USP14: variants seen among roughly 807,000 people sequenced by gnomAD.
USP14 encodes the protein ubiquitin specific peptidase 14, also known as ubiquitin carboxyl-terminal hydrolase 14.
A neutral mutation model predicts 76.5 loss-of-function variants in USP14; 38 were observed. The observed-to-expected ratio is 0.50, with a 90% CI of 0.38 to 0.65. USP14 has a LOEUF of 0.65. USP14 is among the 30% of genes least tolerant of loss of function. The pLI is 0.00. For missense variants in USP14, 467 were observed against 586.5 expected, an observed-to-expected ratio of 0.80 and a Z score of 2.10; for synonymous variants, 192 against 191.7, an observed-to-expected ratio of 1.00 and a Z score of -0.01.
intron 13 of USP14, among the ~76,000 whole-genome samples, chr18:207,874 C>T (rs963633597): frequency 1.3e-5 from 2 of 151,880 alleles, no homozygotes; most frequent in African/African-American, 2.4e-5. Flanking sequence ...ATTTCATTGT[C>T]TAGAGTGGCT....
intron 2 of USP14, among the ~76,000 whole-genome samples, chr18:163,817 G>GTT (rs68144137): frequency 4.3e-4 from 62 of 144,138 alleles, no homozygotes; most frequent in African/African-American, 5.8e-4. Flanking sequence ...CCGATAGGTA[G>GTT]TTTTTTTTTT....
At chr18:181,659 T>C (rs1291963175) in intron 5 of USP14, among the ~76,000 whole-genome samples, 2 of 152,194 alleles carry the variant, frequency 1.3e-5, no homozygotes, top group Admixed American at 1.3e-4. Flanking sequence ...TTTTCCTAAG[T>C]CTGTTGTATG....
At chr18:168,570 G>A (rs545410251) in intron 3 of USP14, among the ~76,000 whole-genome samples, 1 of 151,872 alleles carries the variant, frequency 6.6e-6, no homozygotes, top group East Asian at 2.0e-4. Flanking sequence ...GAGTAGTTGG[G>A]ATTACAAACG....
intron 5 of USP14, among the ~76,000 whole-genome samples, chr18:192,639 A>G (rs1054994848): frequency 2.6e-5 from 4 of 152,206 alleles, no homozygotes; most frequent in African/African-American, 9.6e-5. Context: ...AGTAGGCTCC[A>G]TCTAAATTCC....
chr18:200,462 G>C (rs921893836), intron 10 of USP14, among the ~76,000 whole-genome samples: 1 of 152,208 alleles, frequency 6.6e-6, no homozygotes, highest in Non-Finnish European at 1.5e-5. Flanking sequence ...CTGTCTTGCA[G>C]TTGAGGCCCT....
chr18:193,079 G>A (rs1162902686), intron 6 of USP14, among the ~76,000 whole-genome samples, 179 bp downstream of exon 6: 4 of 152,120 alleles, frequency 2.6e-5, no homozygotes, highest in Non-Finnish European at 5.9e-5. Flanking sequence ...ATAAATCAAT[G>A]ATGTCTGTCG....
At chr18:171,432 C>G (rs1246638502) in intron 3 of USP14, among the ~76,000 whole-genome samples, 2 of 152,124 alleles carry the variant, frequency 1.3e-5, no homozygotes, top group Non-Finnish European at 2.9e-5. Context: ...TCTACTCTGC[C>G]TGTGCTCTGT....
At chr18:180,422 A>C (rs1371484284) in intron 5 of USP14, 83 bp downstream of exon 5, 2 of 776,288 alleles carry the variant, frequency 2.6e-6, no homozygotes, top group Non-Finnish European at 4.3e-6. Context: ...TTAGCATCTT[A>C]ATTGAGATAT....
chr18:186,775 A>G (rs1909943010), intron 5 of USP14, among the ~76,000 whole-genome samples: 1 of 152,092 alleles, frequency 6.6e-6, no homozygotes, highest in African/African-American at 2.4e-5. Flanking sequence ...AAAGGGATGA[A>G]GATTTGCGTT....
chr18:205,794 T>C (rs745726337), intron 13 of USP14, among the ~76,000 whole-genome samples: 11 of 152,122 alleles, frequency 7.2e-5, no homozygotes, highest in Non-Finnish European at 1.5e-4. Context: ...AAAAAAATTA[T>C]ACAAACGAAA....
chr18:206,801 T>TGAGGCAGGAGAATCGCTTGAACTGGG (rs1910540923), intron 13 of USP14, among the ~76,000 whole-genome samples: 1 of 152,204 alleles, frequency 6.6e-6, no homozygotes, highest in Admixed American at 6.5e-5. Flanking sequence ...CTTGGGAGGC[T>TGAGGCAGGAGAATCGCTTGAACTGGG]GAGGCAGGAG....
At chr18:190,241 A>G (rs1910049981) in intron 5 of USP14, among the ~76,000 whole-genome samples, 1 of 152,104 alleles carries the variant, frequency 6.6e-6, no homozygotes, top group African/African-American at 2.4e-5. Context: ...GAAAAAATAT[A>G]CTCTGAATAT....
intron 8 of USP14, among the ~76,000 whole-genome samples, 163 bp downstream of exon 8, chr18:197,859 C>T (rs1029575268): frequency 2.6e-5 from 4 of 151,358 alleles, no homozygotes; most frequent in Admixed American, 6.6e-5. Context: ...AGCTTGCATA[C>T]GACATTTAAA....
chr18:211,496 G>T lies in USP14; in HGVS notation c.*212G>T. Reference sequence around the variant, plus strand: ...TTGGATTGTGCTGCCCTATATAAAGGTGGCAGAAAGACATTTTTAAAAAGC... The same window carrying T: ...TTGGATTGTGCTGCCCTATATAAAGTTGGCAGAAAGACATTTTTAAAAAGC... On this transcript the variant is annotated 3_prime_UTR_variant, in exon 16 of 16. Transcript: ENST00000261601. 1 of 393,068 alleles carries T rather than the reference G, an allele frequency of 2.5e-6. No homozygotes were observed. Among genetic ancestry groups the T allele is most frequent in the Non-Finnish European group, 4.4e-6 (1 of 225,500 alleles). 24.3% of individuals were successfully genotyped at this position (393,068 alleles called of 1,614,324 possible).
chr18:200,934 TG>T (rs1910368522), intron 10 of USP14, among the ~76,000 whole-genome samples: 1 of 152,122 alleles, frequency 6.6e-6, no homozygotes, highest in African/African-American at 2.4e-5. Flanking sequence ...CCTGAGTAGC[TG>T]GGACTACAGG....
In USP14 at chr18:203,007, A is replaced by G. The variant is rs1478254649; in HGVS notation, c.942+62A>G. On this transcript the variant is annotated intron_variant, in intron 11 of 15. Coordinates refer to ENST00000261601, the MANE Select transcript of USP14 (RefSeq NM_005151.4). ...TCACTGAAATATTTCCAGTTAATTA[A>G]TTTTATCCAGTCTTAATTTTTACCA... 8 of 1,606,096 alleles carry G rather than the reference A, an allele frequency of 5.0e-6. No homozygotes were observed. In the East Asian group the frequency reaches 1.6e-4, roughly 31 times the overall value.
At chr18:172,524 A>G (rs1287667349) in intron 3 of USP14, among the ~76,000 whole-genome samples, 2 of 152,208 alleles carry the variant, frequency 1.3e-5, no homozygotes, top group African/African-American at 4.8e-5. Context: ...ATTAAACAGC[A>G]CCGCAAGCTA....
intron 2 of USP14, among the ~76,000 whole-genome samples, chr18:166,063 T>C (rs958608933): frequency 6.6e-6 from 1 of 152,226 alleles, no homozygotes; most frequent in Non-Finnish European, 1.5e-5. Flanking sequence ...ACTTGCTTTA[T>C]AGATGCGTTA....
At chr18:183,196 C>T (rs1447260621) in intron 5 of USP14, among the ~76,000 whole-genome samples, 1 of 152,078 alleles carries the variant, frequency 6.6e-6, no homozygotes, top group Non-Finnish European at 1.5e-5. Flanking sequence ...TAGGTCAAAG[C>T]CATTTTTCCT....
Sources: allele counts gnomAD v4.1 joint callset (sites outside exome capture counted in the v4.1 genomes callset), GRCh38; gene constraint gnomAD v4.1.1; transcripts MANE v1.5; gene names NCBI Gene and HGNC (gene_info 2026-07-23, HGNC 2026-07-21).